Variants in ZBTB43 observed in about 807,000 individuals in gnomAD.
ZBTB43 encodes the protein zinc finger and BTB domain-containing protein 43.
ZBTB43 carries 6 observed loss-of-function variants against 31.1 expected under a neutral mutation model. That is an observed-to-expected ratio of 0.19 (90% CI 0.11 to 0.38). ZBTB43 has a LOEUF of 0.38. Ranked by LOEUF, ZBTB43 falls within the 10% of genes least tolerant of loss-of-function variation. The pLI is 1.00. For missense variants in ZBTB43, 379 were observed against 602.1 expected (o/e 0.63, Z 3.88); for synonymous variants, 212 against 221.7 (o/e 0.96, Z 0.39).
intron 1 of ZBTB43, among the ~76,000 whole-genome samples, chr9:126,805,942 T>C (rs1187821575): frequency 6.6e-6 from 1 of 152,210 alleles, no homozygotes; most frequent in Non-Finnish European, 1.5e-5. Context: ...CTGGTGACAC[T>C]CTCAGTGACT....
chr9:126,833,029 G>A lies in ZBTB43; in HGVS notation c.520G>A (p.Gly174Ser), dbSNP rs2032796062. 6.2e-7 allele frequency: 1 copy of A among 1,613,812 alleles called. No individual in the cohort carries two copies. The highest frequency in any genetic ancestry group is 1.3e-5 in the African/African-American group (1 of 74,916). ...DFPKAQELRD[G>S]ENEEESTKDE... ...TCCCAAAGCCCAAGAACTGAGAGAT[G>A]GTGAAAATGAAGAGGAGAGCACCAA... The change falls in exon 3 of 3, where the codon GGT (glycine) becomes AGT (serine). Residue 174 changes from glycine (G) to serine (S), a missense_variant. Around this residue, in one of 5 missense-constraint regions of ZBTB43, gnomAD observed 253 missense variants for 322.3 expected, o/e 0.79. Coordinates refer to ENST00000373464, the MANE Select transcript of ZBTB43 (RefSeq NM_014007.4). This position sits in a 1 kb window ranked among gnomAD's most constrained non-coding sequence, Gnocchi z 7.9.
chr9:126,806,498 T>A (rs1462827968), intron 1 of ZBTB43, among the ~76,000 whole-genome samples: 3 of 152,164 alleles, frequency 2.0e-5, no homozygotes, highest in Non-Finnish European at 4.4e-5. Context: ...GAGTTATTGC[T>A]TAATGTTACA....
intron 2 of ZBTB43, among the ~76,000 whole-genome samples, chr9:126,815,284 AGTTTTCAATATATAAAACTATATATATAG>A (rs2032354878): frequency 8.2e-6 from 1 of 122,396 alleles, no homozygotes; most frequent in African/African-American, 3.1e-5. Flanking sequence ...ATATATATAT[AGTTTTCAATATATAAAACTATATATATAG>A]TTTTCAATAT....
intron 2 of ZBTB43, chr9:126,832,130 T>A: frequency 5.4e-6 from 1 of 186,346 alleles, no homozygotes; most frequent in Non-Finnish European, 1.1e-5. Context: ...CCATCTCGTT[T>A]AAAAAAAAAT....
chr9:126,834,129 G>T lies in ZBTB43; in HGVS notation c.*216G>T. 2.0e-6 allele frequency: 1 copy of T among 492,076 alleles called. No individual in the cohort carries two copies. The highest frequency in any genetic ancestry group is 1.9e-5 in the African/African-American group (1 of 51,692). The allele number at this position is 492,076 out of a possible 1,614,324, so 30.5% of individuals were successfully genotyped here. Reference sequence around the variant, plus strand: ...GTCCTGGCCTGGAATGGGTAATGGGGTGAGTTAACCCACCGCCCAGCTGGC... The same window carrying T: ...GTCCTGGCCTGGAATGGGTAATGGGTTGAGTTAACCCACCGCCCAGCTGGC... On this transcript the variant is annotated 3_prime_UTR_variant, in exon 3 of 3. Transcript: ENST00000373464.
At chr9:126,807,002 T>C (rs530131282) in intron 1 of ZBTB43, among the ~76,000 whole-genome samples, 1 of 152,352 alleles carries the variant, frequency 6.6e-6, no homozygotes, top group East Asian at 1.9e-4. Context: ...TTTATTATAA[T>C]GCAAAATTAT....
Position 126,832,949 on chromosome 9 carries a change from G to C in ZBTB43, c.440G>C (p.Ser147Thr). 6.2e-7 allele frequency: 1 copy of C among 1,613,822 alleles called. No individual in the cohort carries two copies. Among genetic ancestry groups the C allele is most frequent in the Non-Finnish European group, 8.5e-7 (1 of 1,180,028 alleles). ...GACCACCAGTCACCAAGCAGCAGTA[G>C]TTATAATGGCCTGGTAGAGAGCTTT... ...GSDHQSPSSSSYNGLVESFEL... is the reference protein window; with the variant it reads ...GSDHQSPSSSTYNGLVESFEL... Residue 147 changes from serine to threonine, a missense_variant, in exon 3 of 3, where the codon AGT (serine) becomes ACT (threonine). Ser to Thr is a moderately conservative substitution (Grantham distance 58). Transcript: ENST00000373464.
upstream of ZBTB43, among the ~76,000 whole-genome samples, chr9:126,804,798 CAAG>C (rs531565069): frequency 3.2e-4 from 49 of 152,188 alleles, no homozygotes; most frequent in Non-Finnish European, 6.2e-4. Flanking sequence ...GCCAAGGTTT[CAAG>C]AAGGTTTAGA....
intron 2 of ZBTB43, among the ~76,000 whole-genome samples, chr9:126,825,021 T>C (rs927428704): frequency 9.9e-5 from 15 of 152,170 alleles, no homozygotes; most frequent in Non-Finnish European, 2.1e-4. Flanking sequence ...TATGGCTCAC[T>C]GCAGCCTCAA....
intron 2 of ZBTB43, among the ~76,000 whole-genome samples, chr9:126,814,209 G>C (rs979312858): frequency 2.7e-5 from 2 of 73,138 alleles, no homozygotes; most frequent in Admixed American, 3.0e-4. Flanking sequence ...AAAGTTCACA[G>C]AGTAAACTTC....
At chr9:126,804,760 C>A (rs982994216), upstream of ZBTB43, among the ~76,000 whole-genome samples, 1 of 152,250 alleles carries the variant, frequency 6.6e-6, no homozygotes, top group Non-Finnish European at 1.5e-5. Flanking sequence ...GCAGGGATTA[C>A]AGACGTGGGC....
chr9:126,826,451 C>A (rs1005544745), intron 2 of ZBTB43, among the ~76,000 whole-genome samples: 4 of 125,754 alleles, frequency 3.2e-5, no homozygotes, highest in Non-Finnish European at 4.9e-5. Context: ...CTGGCCCCCC[C>A]GCCTTTTTTT....
At chr9:126,804,145 C>T (rs1337758642), upstream of ZBTB43, among the ~76,000 whole-genome samples, 3 of 152,098 alleles carry the variant, frequency 2.0e-5, no homozygotes, top group Admixed American at 6.6e-5. Flanking sequence ...CGCTAAAGAC[C>T]TATCTCTCTT....
Position 126,828,681 on chromosome 9 carries a change from G to A in ZBTB43, c.-23-3806G>A, listed in dbSNP as rs191097967. Among the ~76,000 whole-genome samples, 49 of 132,020 alleles carry A rather than the reference G, an allele frequency of 3.7e-4. No homozygotes were observed. In the East Asian group the frequency reaches 8.9e-3, roughly 24 times the overall value. The allele number at this position is 132,020 out of a possible 152,430, so 86.6% of individuals were successfully genotyped here. A position where few individuals can be genotyped will look rare whatever the true frequency, so the allele number is the denominator to read the frequency against. On this transcript the variant is annotated intron_variant, in intron 2 of 2. Coordinates refer to ENST00000373464, the MANE Select transcript of ZBTB43 (RefSeq NM_014007.4). ...TTATTATTATTATTATTATTATTTT[G>A]GAGGTGTGAATGCCCTCCTATATCT...
intron 2 of ZBTB43, among the ~76,000 whole-genome samples, chr9:126,828,618 C>A (rs985713390): frequency 6.9e-6 from 1 of 144,282 alleles, no homozygotes; most frequent in Non-Finnish European, 1.5e-5. Flanking sequence ...CACAGTGAGA[C>A]CCCCATCTCT....
At position 126,805,089 on chromosome 9, in the gene ZBTB43, G is replaced by C. The variant is rs936449043; in HGVS notation, c.-190G>C. On this transcript the variant is annotated 5_prime_UTR_variant, in exon 1 of 3. Coordinates refer to ENST00000373464, the MANE Select transcript of ZBTB43 (RefSeq NM_014007.4). ...ACAACAGGCCTGCGCCGGCGGCAGA[G>C]AGGATATCTTGGGCGGGGGATGTGA... is the stretch of plus-strand genomic sequence containing the variant. 2.0e-5 allele frequency: 3 copies of C among 152,550 alleles called. No individual in the cohort carries two copies. The highest frequency in any genetic ancestry group is 6.5e-5 in the Admixed American group (1 of 15,302). The allele number at this position is 152,550 out of a possible 1,614,324, so 9.4% of individuals were successfully genotyped here.
chr9:126,823,856 C>T (rs1346179539), intron 2 of ZBTB43, among the ~76,000 whole-genome samples: 1 of 152,180 alleles, frequency 6.6e-6, no homozygotes, highest in Non-Finnish European at 1.5e-5. Context: ...AGGTTTAGTA[C>T]AGTCACAGCA....
At chr9:126,806,221 A>G (rs1041476917) in intron 1 of ZBTB43, among the ~76,000 whole-genome samples, 2 of 152,218 alleles carry the variant, frequency 1.3e-5, no homozygotes, top group African/African-American at 4.8e-5. Flanking sequence ...CTAAGAAAGG[A>G]TCAGACTGAG....
chr9:126,831,183 C>T (rs1195890651), intron 2 of ZBTB43, among the ~76,000 whole-genome samples: 1 of 152,188 alleles, frequency 6.6e-6, no homozygotes, highest in African/African-American at 2.4e-5. Context: ...CCCTCACTCC[C>T]TGACTGTACT....
Sources: gnomAD v4.1 joint callset for allele counts (sites outside exome capture counted in the v4.1 genomes callset) on GRCh38, gnomAD v4.1.1 for gene constraint, gnomAD v4.1.1 regional missense constraint, Gnocchi (gnomAD v3.1) non-coding constraint, MANE v1.5 for transcripts, NCBI Gene and HGNC (gene_info 2026-07-23, HGNC 2026-07-21) for gene names.